The following CMC2 variants were observed in gnomAD, a reference collection of about 807,000 sequenced individuals.
CMC2 encodes the protein COX assembly mitochondrial protein 2 homolog.
CMC2 carries 5 observed loss-of-function variants against 7.5 expected under a neutral mutation model. The ratio of observed to expected loss-of-function variants is 0.66; its 90% CI spans 0.35 to 1.40. The LOEUF (loss-of-function observed/expected upper bound fraction) is 1.40, where lower values mean the gene tolerates loss of function less well. CMC2 is among the 40% of genes most tolerant of loss of function. The pLI is 0.04. For missense variants in CMC2, 115 were observed against 92.3 expected (o/e 1.25, Z -1.01); for synonymous variants, 37 against 31.4 (o/e 1.18, Z -0.60).
intron 2 of CMC2, among the ~76,000 whole-genome samples, chr16:80,995,838 G>A (rs905203847): frequency 6.6e-6 from 1 of 152,130 alleles, no homozygotes; most frequent in African/African-American, 2.4e-5. Context: ...TGACTGTGAT[G>A]GTGGTTGCAT....
At position 80,973,507 on chromosome 16, in the gene CMC2, C is replaced by T. The variant is rs1318121189; in HGVS notation, c.*2586G>A. ...CTGTCACTGGGTTGAACTGGTTTAA[C>T]CATAACTATTCACCGAATAACCAGA... is the stretch of plus-strand genomic sequence containing the variant. On this transcript the variant is annotated 3_prime_UTR_variant, in exon 4 of 4. Coordinates refer to ENST00000219400, the MANE Select transcript of CMC2 (RefSeq NM_020188.5). 6.6e-6 allele frequency: 1 copy of T among 152,140 alleles called. No individual in the cohort carries two copies. The highest frequency in any genetic ancestry group is 2.4e-5 in the African/African-American group (1 of 41,432). The allele number at this position is 152,140 out of a possible 1,614,324, so 9.4% of individuals were successfully genotyped here.
At chr16:80,984,319 A>G (rs958472309) in intron 2 of CMC2, among the ~76,000 whole-genome samples, 1 of 152,188 alleles carries the variant, frequency 6.6e-6, no homozygotes, top group Non-Finnish European at 1.5e-5. Context: ...GGTAGTTGTA[A>G]TAATAAGCAC....
chr16:80,978,011 G>A (rs1178985973), intron 3 of CMC2, among the ~76,000 whole-genome samples: 1 of 150,820 alleles, frequency 6.6e-6, no homozygotes, highest in Non-Finnish European at 1.5e-5. Context: ...GGAGGAGGTT[G>A]CAGTGAGCCG....
chr16:80,979,026 G>A lies in CMC2; in HGVS notation c.153+2780C>T, dbSNP rs540976963. On this transcript the variant is annotated intron_variant, in intron 3 of 3. Coordinates refer to ENST00000219400, the MANE Select transcript of CMC2 (RefSeq NM_020188.5). The stretch of plus-strand genomic sequence containing the variant: ...AACCCGGGAGGAGGAGCTTGCAGTG[G>A]GCTGAGATTGCGCCACTGCACTCCA... 2.1e-4 allele frequency among the ~76,000 whole-genome samples: 32 copies of A among 151,998 alleles called. 1 individual carries two copies. In the Middle Eastern group the frequency reaches 0.01, roughly 48 times the overall value.
rs373666897 is a variant in CMC2, at chr16:80,992,472, T to C, written c.81+4842A>G. On this transcript the variant is annotated intron_variant, in intron 2 of 3. Transcript: ENST00000219400. ...AAGATTATAACAATTTGCAGTCCCA[T>C]CAGAAATGTATGAGGGTATACAGTG... Among the ~76,000 whole-genome samples, 27 of 152,306 alleles carry C rather than the reference T, an allele frequency of 1.8e-4. No individual in the cohort carries two copies. The East Asian group carries it at 4.4e-3, about 25-fold the overall frequency.
chr16:80,976,866 G>A (rs1263287497), intron 3 of CMC2, among the ~76,000 whole-genome samples: 4 of 152,188 alleles, frequency 2.6e-5, no homozygotes, highest in Admixed American at 2.0e-4. Context: ...CACAACTGCT[G>A]CACAGAACAC....
Position 80,997,444 on chromosome 16 carries a change from G to A in CMC2, c.-35-15C>T. 1 of 1,369,542 alleles carries A rather than the reference G, an allele frequency of 7.3e-7. No homozygotes were observed. Among genetic ancestry groups the A allele is most frequent in the South Asian group, 1.2e-5 (1 of 85,862 alleles). The allele number at this position is 1,369,542 out of a possible 1,614,324, so 84.8% of individuals were successfully genotyped here. A position where few individuals can be genotyped will look rare whatever the true frequency, so the allele number is the denominator to read the frequency against. ...AGCAGTGCAACCTGTGGATACAAGA[G>A]TGTCTTGAATATGCATAAACACATT... On this transcript the variant is annotated splice_polypyrimidine_tract_variant and intron_variant, in intron 1 of 3. Coordinates refer to ENST00000219400, the MANE Select transcript of CMC2 (RefSeq NM_020188.5).
At chr16:80,979,164 G>A (rs2151616550) in intron 3 of CMC2, among the ~76,000 whole-genome samples, 1 of 152,292 alleles carries the variant, frequency 6.6e-6, no homozygotes, top group Admixed American at 6.5e-5. Context: ...AGCATCTGAA[G>A]CAAGCATTAA....
At chr16:80,991,877 CA>C (rs1968021852) in intron 2 of CMC2, 2 of 451,176 alleles carry the variant, frequency 4.4e-6, no homozygotes, top group Non-Finnish European at 8.9e-6. Context: ...TTCGGGTCAT[CA>C]AAAACAAAGA....
At chr16:80,996,272 C>T (rs1422378010) in intron 2 of CMC2, among the ~76,000 whole-genome samples, 1 of 152,216 alleles carries the variant, frequency 6.6e-6, no homozygotes, top group African/African-American at 2.4e-5. Flanking sequence ...TCCACAGAGT[C>T]TCTTTCTCTC....
At chr16:80,976,781 T>A (rs756294519) in intron 3 of CMC2, among the ~76,000 whole-genome samples, 1 of 152,360 alleles carries the variant, frequency 6.6e-6, no homozygotes, top group Admixed American at 6.5e-5. Context: ...TATTTCTTCT[T>A]GTCTGCTATA....
chr16:80,987,117 A>G (rs1449624969), intron 2 of CMC2, among the ~76,000 whole-genome samples: 3 of 152,200 alleles, frequency 2.0e-5, no homozygotes, highest in Non-Finnish European at 4.4e-5. Context: ...GTGATCTTGA[A>G]AGTTTTGGGA....
intron 3 of CMC2, among the ~76,000 whole-genome samples, chr16:80,978,027 G>A (rs1023003891): frequency 1.2e-4 from 18 of 149,058 alleles, no homozygotes; most frequent in African/African-American, 4.2e-4. Flanking sequence ...AGCCGAGATC[G>A]CACCACAGCA....
At chr16:81,006,327 G>A (rs1465005559) in intron 1 of CMC2, among the ~76,000 whole-genome samples, 2 of 152,230 alleles carry the variant, frequency 1.3e-5, no homozygotes, top group African/African-American at 4.8e-5. Context: ...TCAATTGCTA[G>A]ATAAACAACA....
intron 3 of CMC2, among the ~76,000 whole-genome samples, chr16:80,978,887 C>G (rs538980453): frequency 2.0e-5 from 3 of 152,168 alleles, no homozygotes; most frequent in Non-Finnish European, 4.4e-5. Context: ...CAAGACCATC[C>G]TAGCTAACAC....
At chr16:80,992,361 T>A (rs756585029) in intron 2 of CMC2, among the ~76,000 whole-genome samples, 7 of 152,204 alleles carry the variant, frequency 4.6e-5, no homozygotes, top group Non-Finnish European at 7.3e-5. Context: ...GTTATACTTT[T>A]AAGATAAATT....
At chr16:80,978,811 G>A (rs1966877144) in intron 3 of CMC2, among the ~76,000 whole-genome samples, 1 of 152,186 alleles carries the variant, frequency 6.6e-6, no homozygotes. Flanking sequence ...GCTGGGCGCA[G>A]TGGCTCACGC....
At position 80,968,840 on chromosome 16, in the gene CMC2, C is replaced by G. The variant is rs1186352896; in HGVS notation, c.*7253G>C. The G allele has an allele frequency of 6.6e-6, 1 of 152,130 alleles. No homozygotes were observed. The highest frequency in any genetic ancestry group is 2.4e-5 in the African/African-American group (1 of 41,394). The allele number at this position is 152,130 out of a possible 1,614,324, so 9.4% of individuals were successfully genotyped here. A position where few individuals can be genotyped will look rare whatever the true frequency, so the allele number is the denominator to read the frequency against. On this transcript the variant is annotated 3_prime_UTR_variant, in exon 4 of 4. Coordinates refer to ENST00000219400, the MANE Select transcript of CMC2 (RefSeq NM_020188.5). Reference sequence around the variant, plus strand: ...ACATGCTATGCAGCCTAGACCAGTTCCAGGTACCAGGAAGTGAGGTTTTCA... The same window carrying G: ...ACATGCTATGCAGCCTAGACCAGTTGCAGGTACCAGGAAGTGAGGTTTTCA...
chr16:80,975,875 G>A lies in CMC2; in HGVS notation c.*218C>T. 2.3e-6 allele frequency: 1 copy of A among 437,514 alleles called. No homozygotes were observed. Among genetic ancestry groups the A allele is most frequent in the Non-Finnish European group, 4.1e-6 (1 of 246,848 alleles). The allele number at this position is 437,514 out of a possible 1,614,324, so 27.1% of individuals were successfully genotyped here. On this transcript the variant is annotated 3_prime_UTR_variant, in exon 4 of 4. Transcript: ENST00000219400. The stretch of plus-strand genomic sequence containing the variant: ...GGTTGTAGGCAAAGGGAATAAACAT[G>A]GTGAAGTCAGGTTTGCTGGTAAAGG...
Sources: gnomAD v4.1 joint callset for allele counts (sites outside exome capture counted in the v4.1 genomes callset) on GRCh38, gnomAD v4.1.1 for gene constraint, MANE v1.5 for transcripts, NCBI Gene and HGNC (gene_info 2026-07-23, HGNC 2026-07-21) for gene names.